CNBD1: variants seen among roughly 807,000 people sequenced by gnomAD.
CNBD1 encodes the protein cyclic nucleotide-binding domain-containing protein 1.
Under a neutral mutation model 54.4 loss-of-function variants are expected in CNBD1, and 71 were observed. That is an observed-to-expected ratio of 1.30 (90% CI 1.08 to 1.59). CNBD1 has a LOEUF of 1.59. Ranked by LOEUF, CNBD1 falls within the 40% of genes most tolerant of loss-of-function variation. The probability of loss-of-function intolerance (pLI) is 0.00; values close to 1 mark genes in which losing one functional copy is unlikely to be tolerated. For synonymous variants in CNBD1, 182 were observed against 170.7 expected (o/e 1.07, Z -0.51); for missense variants, 659 against 518.0 (o/e 1.27, Z -2.64).
chr8:87,354,560 C>A (rs1339641007), intron 10 of CNBD1, among the ~76,000 whole-genome samples: 1 of 151,952 alleles, frequency 6.6e-6, no homozygotes, highest in Non-Finnish European at 1.5e-5. Flanking sequence ...TCCCCCTTCC[C>A]CCCACCCCAC....
chr8:86,946,133 C>G (rs1008850818), intron 4 of CNBD1, among the ~76,000 whole-genome samples: 2 of 152,118 alleles, frequency 1.3e-5, no homozygotes, highest in Non-Finnish European at 2.9e-5. Context: ...ACTGTGATTG[C>G]TTTTTAACAA....
rs373628372 is a variant in CNBD1, at chr8:87,281,637, G to A, written c.772-3041G>A. Among the ~76,000 whole-genome samples the A allele has an allele frequency of 1.5e-4, 20 of 135,770 alleles. No homozygotes were observed. The South Asian group carries it at 4.7e-3, about 32-fold the overall frequency. 89.1% of individuals were successfully genotyped at this position (135,770 alleles called of 152,430 possible). On this transcript the variant is annotated intron_variant, in intron 6 of 10. Coordinates refer to ENST00000518476, the MANE Select transcript of CNBD1 (RefSeq NM_173538.3). Reference sequence around the variant, plus strand: ...TACCAGTATATTAAAACTTAGACTTGGTTGAATTCCTTAAAATGTATTTAT... The same window carrying A: ...TACCAGTATATTAAAACTTAGACTTAGTTGAATTCCTTAAAATGTATTTAT...
intron 10 of CNBD1, among the ~76,000 whole-genome samples, chr8:87,379,497 C>T (rs1386131588): frequency 6.6e-6 from 1 of 151,696 alleles, no homozygotes; most frequent in Non-Finnish European, 1.5e-5. Flanking sequence ...CTCTCCCCAG[C>T]AAATGTAAAA....
At chr8:87,213,718 C>A (rs1814150353) in intron 5 of CNBD1, among the ~76,000 whole-genome samples, 1 of 152,154 alleles carries the variant, frequency 6.6e-6, no homozygotes, top group Admixed American at 6.5e-5. Flanking sequence ...TCCCAAATCT[C>A]ATGTCCTCAC....
At chr8:87,018,900 T>C (rs1451682343) in intron 4 of CNBD1, among the ~76,000 whole-genome samples, 1 of 152,196 alleles carries the variant, frequency 6.6e-6, no homozygotes, top group African/African-American at 2.4e-5. Flanking sequence ...AAACCGCTGG[T>C]AAAACAATTT....
In CNBD1 at chr8:87,329,313, A is replaced by G. The variant is rs75924755; in HGVS notation, c.1043-22372A>G. On this transcript the variant is annotated intron_variant, in intron 8 of 10. Coordinates refer to ENST00000518476, the MANE Select transcript of CNBD1 (RefSeq NM_173538.3). ...ACATTGTCTTGATTACTGCAGCTCT[A>G]TTGTAACTCTTAAAGTTGGCTGTGT... Among the ~76,000 whole-genome samples the G allele has an allele frequency of 2.9e-3, 440 of 152,190 alleles. 1 individual carries two copies. The highest frequency in any genetic ancestry group is 9.5e-3 in the African/African-American group (396 of 41,558).
intron 8 of CNBD1, among the ~76,000 whole-genome samples, chr8:87,341,939 A>T (rs1586030012): frequency 1.3e-5 from 2 of 152,294 alleles, no homozygotes; most frequent in South Asian, 4.1e-4. Context: ...GTTCACTCAG[A>T]TACAGAAGCC....
At chr8:87,008,844 A>G (rs139748874) in intron 4 of CNBD1, among the ~76,000 whole-genome samples, 53 of 152,338 alleles carry the variant, frequency 3.5e-4, no homozygotes, top group African/African-American at 1.2e-3. Flanking sequence ...TGCTAAAAAA[A>G]GTAGTTTGCT....
chr8:87,420,906 A>C (rs1296909678), intron 2 of CNBD1, among the ~76,000 whole-genome samples: 4 of 152,026 alleles, frequency 2.6e-5, no homozygotes, highest in Admixed American at 2.0e-4. Flanking sequence ...CCCTCATAAC[A>C]TGTTACTGAT....
intron 8 of CNBD1, among the ~76,000 whole-genome samples, chr8:87,288,960 T>C (rs1233373526): frequency 6.6e-6 from 1 of 152,076 alleles, no homozygotes; most frequent in Non-Finnish European, 1.5e-5. Context: ...TTCATCTAAT[T>C]TTCTTTTATG....
intron 2 of CNBD1, among the ~76,000 whole-genome samples, chr8:87,394,597 G>T (rs1002831126): frequency 7.2e-5 from 11 of 151,780 alleles, no homozygotes; most frequent in Non-Finnish European, 1.0e-4. Flanking sequence ...TCAATGCCAT[G>T]GTGATAAACA....
chr8:87,328,504 GATT>G (rs1809742089), intron 8 of CNBD1, among the ~76,000 whole-genome samples: 1 of 150,586 alleles, frequency 6.6e-6, no homozygotes, highest in Non-Finnish European at 1.5e-5. Context: ...ATACTGCTTT[GATT>G]ACTGTAGTTC....
chr8:87,101,600 A>G (rs944339811), intron 4 of CNBD1, among the ~76,000 whole-genome samples: 4 of 152,218 alleles, frequency 2.6e-5, no homozygotes, highest in South Asian at 2.1e-4. Context: ...CAAAATGTCA[A>G]TAATAATGTT....
intron 4 of CNBD1, among the ~76,000 whole-genome samples, chr8:86,949,993 G>A (rs1438524426): frequency 1.7e-5 from 1 of 57,192 alleles, no homozygotes; most frequent in Non-Finnish European, 3.0e-5. Context: ...GTCTCGCTCT[G>A]TCCCCCAGGC....
intron 4 of CNBD1, among the ~76,000 whole-genome samples, chr8:87,109,540 C>CTTTTT (rs35541466): frequency 1.3e-4 from 14 of 107,962 alleles, no homozygotes; most frequent in South Asian, 3.3e-4. Context: ...TTCTTTCTTT[C>CTTTTT]TTTTTTTTTT....
At chr8:87,177,502 A>C (rs1813224747) in intron 4 of CNBD1, among the ~76,000 whole-genome samples, 1 of 152,200 alleles carries the variant, frequency 6.6e-6, no homozygotes, top group African/African-American at 2.4e-5. Context: ...CATAGTTCTA[A>C]ATTCTACACA....
chr8:87,387,023 G>A (rs1811203066), downstream of CNBD1, among the ~76,000 whole-genome samples: 1 of 152,120 alleles, frequency 6.6e-6, no homozygotes, highest in South Asian at 2.1e-4. Flanking sequence ...GTAAGTGAGG[G>A]AGAAATAAAA....
intron 2 of CNBD1, among the ~76,000 whole-genome samples, chr8:87,416,842 G>T (rs1389462553): frequency 6.6e-6 from 1 of 152,030 alleles, no homozygotes; most frequent in Admixed American, 6.6e-5. Context: ...GAAAACTACA[G>T]ATCAACATTT....
chr8:87,141,511 G>A (rs16897137), intron 4 of CNBD1, among the ~76,000 whole-genome samples: 7 of 152,082 alleles, frequency 4.6e-5, no homozygotes, highest in South Asian at 2.1e-4. Context: ...GGCAATGTCC[G>A]TTTAAGACAG....
Sources: gnomAD v4.1 joint callset for allele counts (sites outside exome capture counted in the v4.1 genomes callset) on GRCh38, gnomAD v4.1.1 for gene constraint, MANE v1.5 for transcripts, NCBI Gene and HGNC (gene_info 2026-07-23, HGNC 2026-07-21) for gene names.